The following PSG1 variants were observed in gnomAD, a reference collection of about 807,000 sequenced individuals.
PSG1 encodes the protein pregnancy-specific beta-1-glycoprotein 1.
In PSG1, 60 loss-of-function variants were observed where a neutral mutation model predicts 41.4. The ratio of observed to expected loss-of-function variants is 1.45; its 90% confidence interval spans 1.18 to 1.80. The LOEUF is 1.80. PSG1 is among the 40% of genes most tolerant of loss of function. The probability of loss-of-function intolerance (pLI) is 0.00; values close to 1 mark genes in which losing one functional copy is unlikely to be tolerated. For missense variants in PSG1, 806 were observed against 516.9 expected, an observed-to-expected ratio of 1.56 and a Z score of -5.42; for synonymous variants, 256 against 192.9, an observed-to-expected ratio of 1.33 and a Z score of -2.71.
intron 3 of PSG1, 142 bp downstream of exon 3, chr19:42,871,625 C>T: frequency 1.3e-6 from 2 of 1,594,924 alleles, no homozygotes; most frequent in Non-Finnish European, 1.7e-6. Flanking sequence ...TCTGGTTTGC[C>T]TGGGGCACAA....
At position 42,877,467 on chromosome 19, in the gene PSG1, C is replaced by G. The variant is rs571406224; in HGVS notation, c.430+446G>C. The stretch of plus-strand genomic sequence containing the variant: ...CCTGCCCAAGAAGCCACAACCCAGT[C>G]CCAGCACAGGCTCCTCAGCTTTATC... On this transcript the variant is annotated intron_variant, in intron 2 of 5. Transcript: ENST00000436291. Among the ~76,000 whole-genome samples, 3 of 151,734 alleles carry G rather than the reference C, an allele frequency of 2.0e-5. No homozygotes were observed. The East Asian group carries it at 5.8e-4, about 29-fold the overall frequency.
In PSG1 at chr19:42,878,400, C is replaced by G. The variant is rs912354454; in HGVS notation, c.65-122G>C. 6.7e-6 allele frequency: 9 copies of G among 1,341,712 alleles called. No individual in the cohort carries two copies. In the African/African-American group the frequency reaches 1.4e-4, roughly 21 times the overall value. The allele number at this position is 1,341,712 out of a possible 1,614,324, so 83.1% of individuals were successfully genotyped here. On this transcript the variant is annotated intron_variant, in intron 1 of 5. Transcript: ENST00000436291. ...CCTTGACAACACAGACACACACACA[C>G]ATACAAACACACACACACACACACA...
Position 42,872,073 on chromosome 19 carries a change from C to T in PSG1, c.431-28G>A, listed in dbSNP as rs776822711. The T allele has an allele frequency of 1.7e-5, 27 of 1,595,116 alleles. 1 individual carries two copies. The highest frequency in any genetic ancestry group is 2.2e-5 in the East Asian group (1 of 44,560). ...GTGCAGAAAACAGGGTGAAGATTGCCGTGTGTGGCGCCTTTGATTCCTCCA... is the reference window on the plus strand; with the variant it reads ...GTGCAGAAAACAGGGTGAAGATTGCTGTGTGTGGCGCCTTTGATTCCTCCA... On this transcript the variant is annotated intron_variant, in intron 2 of 5. Transcript: ENST00000436291.
intron 2 of PSG1, among the ~76,000 whole-genome samples, chr19:42,872,305 A>G (rs1451816829): frequency 6.6e-6 from 1 of 151,538 alleles, no homozygotes; most frequent in African/African-American, 2.4e-5. Flanking sequence ...AAGACACAGG[A>G]CCAGCAGTCA....
rs11881770 is a variant in PSG1, at chr19:42,872,036, G to C, written c.440C>G (p.Pro147Arg). The C allele has an allele frequency of 6.2e-7, 1 of 1,611,896 alleles. No homozygotes were observed. Among genetic ancestry groups the C allele is most frequent in the Non-Finnish European group, 8.5e-7 (1 of 1,178,950 alleles). Residue 147 changes from proline to arginine, a missense_variant, in exon 3 of 6, where the codon CCT (proline) becomes CGT (arginine). Coordinates refer to ENST00000436291, the MANE Select transcript of PSG1 (RefSeq NM_001184825.2). ...RFTFTLHLETPKPSISSSNLN... is the reference protein window; with the variant it reads ...RFTFTLHLETRKPSISSSNLN... ...GTTGCTGCTGGAGATGGAGGGCTTA[G>C]GAGTCTCCACTGTGCAGAAAACAGG... is the stretch of plus-strand genomic sequence containing the variant.
chr19:42,874,977 A>C (rs1265775779), intron 2 of PSG1, among the ~76,000 whole-genome samples: 2 of 151,778 alleles, frequency 1.3e-5, no homozygotes, highest in African/African-American at 2.4e-5. Context: ...CCAGAAGTCT[A>C]TAGGAAGTGA....
chr19:42,869,986 ACT>A lies in PSG1; in HGVS notation c.710-954_710-953del, dbSNP rs1357582187. 10 of 151,556 alleles carry A rather than the reference ACT, an allele frequency of 6.6e-5. 1 individual carries two copies. Among genetic ancestry groups the A allele is most frequent in the Admixed American group, 4.0e-4 (6 of 15,174 alleles). The allele number at this position is 151,556 out of a possible 1,614,324, so 9.4% of individuals were successfully genotyped here. ...AATATTTTATTTCATTGGACATTCTACTCTCTGATTCCATGGGTTCAACTACT... is the reference window on the plus strand; with the variant it reads ...AATATTTTATTTCATTGGACATTCTACTCTGATTCCATGGGTTCAACTACT... On this transcript the variant is annotated intron_variant, in intron 3 of 5. Coordinates refer to ENST00000436291, the MANE Select transcript of PSG1 (RefSeq NM_001184825.2).
chr19:42,869,631 T>G (rs1319316742), intron 3 of PSG1: 2 of 157,048 alleles, frequency 1.3e-5, no homozygotes, highest in African/African-American at 4.9e-5. Flanking sequence ...GTGGGGCAGT[T>G]TTTTGCAGGT....
At chr19:42,872,126 T>TA in intron 2 of PSG1, 81 bp from the exon 3 acceptor site, 1 of 1,533,918 alleles carries the variant, frequency 6.5e-7, no homozygotes, top group South Asian at 1.3e-5. Context: ...GAATTGGCAT[T>TA]TCCCACCTCT....
In PSG1 at chr19:42,878,751, T is replaced by TC. The variant is rs532989793; in HGVS notation, c.65-474dup. Reference sequence around the variant, plus strand: ...TCTAGATCTCTTTGCATGTCTGTCTTCCCCCCCATGACAGCGTGAGCTCCG... The same window carrying TC: ...TCTAGATCTCTTTGCATGTCTGTCTTCCCCCCCCATGACAGCGTGAGCTCCG... On this transcript the variant is annotated intron_variant, in intron 1 of 5. Coordinates refer to ENST00000436291, the MANE Select transcript of PSG1 (RefSeq NM_001184825.2). Among the ~76,000 whole-genome samples, 33 of 149,814 alleles carry TC rather than the reference T, an allele frequency of 2.2e-4. 1 individual carries two copies. The East Asian group carries it at 4.2e-3, about 19-fold the overall frequency.
At chr19:42,868,506 G>A (rs1474233954) in intron 4 of PSG1, 151 bp from the exon 5 acceptor site, 4 of 1,482,264 alleles carry the variant, frequency 2.7e-6, no homozygotes, top group South Asian at 1.4e-5. Flanking sequence ...GAATCCTGAG[G>A]TATTCCCCTG....
At chr19:42,877,441 C>G (rs1405323525) in intron 2 of PSG1, among the ~76,000 whole-genome samples, 1 of 151,608 alleles carries the variant, frequency 6.6e-6, no homozygotes, top group Non-Finnish European at 1.5e-5. Context: ...TCCCAGTAAG[C>G]CCTGCCCAAG....
intron 4 of PSG1, 150 bp from the exon 5 acceptor site, chr19:42,868,505 G>C: frequency 6.7e-7 from 1 of 1,485,044 alleles, no homozygotes; most frequent in Non-Finnish European, 9.0e-7. Flanking sequence ...CGAATCCTGA[G>C]GTATTCCCCT....
chr19:42,879,696 A>C lies in PSG1; in HGVS notation c.-115T>G. 1 of 1,465,140 alleles carries C rather than the reference A, an allele frequency of 6.8e-7. No individual in the cohort carries two copies. Among genetic ancestry groups the C allele is most frequent in the Non-Finnish European group, 9.3e-7 (1 of 1,077,218 alleles). 90.8% of individuals were successfully genotyped at this position (1,465,140 alleles called of 1,614,324 possible). A position where few individuals can be genotyped will look rare whatever the true frequency, so the allele number is the denominator to read the frequency against. On this transcript the variant is annotated 5_prime_UTR_variant, in exon 1 of 6. Transcript: ENST00000436291. ...CTCTTTCTGTGCTGAGCCTCTTCCC[A>C]GGGCAGGAGCAATTCTCAAGCTCAT... is the stretch of plus-strand genomic sequence containing the variant.
intron 3 of PSG1, among the ~76,000 whole-genome samples, chr19:42,871,292 G>A (rs1173604378): frequency 6.6e-6 from 1 of 151,704 alleles, no homozygotes. Flanking sequence ...TGTGAGGCAG[G>A]AGAGCTTGGG....
chr19:42,871,709 T>A (rs1313708738), intron 3 of PSG1, 58 bp downstream of exon 3: 1 of 1,612,394 alleles, frequency 6.2e-7, no homozygotes, highest in Non-Finnish European at 8.5e-7. Flanking sequence ...AGGCCTGGCC[T>A]CTGGCCACGT....
At chr19:42,876,460 C>A (rs568265104) in intron 2 of PSG1, among the ~76,000 whole-genome samples, 20 of 151,442 alleles carry the variant, frequency 1.3e-4, no homozygotes, top group South Asian at 6.3e-4. Context: ...GTGGCTAGAA[C>A]CTCCTAGGAT....
chr19:42,869,034 G>A lies in PSG1; in HGVS notation c.710C>T (p.Pro237Leu), dbSNP rs147812287. 75 of 1,606,480 alleles carry A rather than the reference G, an allele frequency of 4.7e-5. 1 individual carries two copies. The highest frequency in any genetic ancestry group is 1.3e-4 in the African/African-American group (10 of 74,502). The change falls in exon 4 of 6, where the codon CCG becomes CTG. Residue 237 changes from proline (P) to leucine (L), a missense_variant and splice_region_variant. Coordinates refer to ENST00000436291, the MANE Select transcript of PSG1 (RefSeq NM_001184825.2). ...RSDPVTLNLL[P>L]KLPKPYITIN... ...GGTGATGTAGGGCTTGGGCAGCTTC[G>A]CTGTGTGGATAACAGAGAGAAGATT...
chr19:42,876,561 T>C (rs1206075523), intron 2 of PSG1, among the ~76,000 whole-genome samples: 4 of 151,406 alleles, frequency 2.6e-5, no homozygotes, highest in African/African-American at 9.7e-5. Flanking sequence ...CTCCTGAGTG[T>C]GTGTCTCTCT....
Sources: allele counts gnomAD v4.1 joint callset (sites outside exome capture counted in the v4.1 genomes callset), GRCh38; gene constraint gnomAD v4.1.1; transcripts MANE v1.5; gene names NCBI Gene and HGNC (gene_info 2026-07-23, HGNC 2026-07-21).